TMEM229B: variants seen among roughly 807,000 people sequenced by gnomAD.
The protein encoded by TMEM229B is transmembrane protein 229B.
In TMEM229B, 6 loss-of-function variants were observed where a neutral mutation model predicts 13.7. The ratio of observed to expected loss-of-function variants is 0.44; its 90% confidence interval spans 0.24 to 0.86. The LOEUF is 0.86. TMEM229B is among the 40% of genes least tolerant of loss of function. The pLI, the probability that TMEM229B is intolerant of heterozygous loss-of-function variation, is 0.23. For synonymous variants in TMEM229B, 107 were observed against 102.1 expected, an observed-to-expected ratio of 1.05 and a Z score of -0.29; for missense variants, 170 against 236.0, an observed-to-expected ratio of 0.72 and a Z score of 1.83.
chr14:67,531,930 A>G (rs974536262), intron 1 of TMEM229B, among the ~76,000 whole-genome samples: 9 of 149,418 alleles, frequency 6.0e-5, no homozygotes, highest in Admixed American at 6.7e-5. Flanking sequence ...AAAAAAAAAA[A>G]AGTGAATGAA....
intron 1 of TMEM229B, among the ~76,000 whole-genome samples, chr14:67,487,522 G>A (rs552006670): frequency 6.6e-6 from 1 of 152,322 alleles, no homozygotes; most frequent in South Asian, 2.1e-4. Context: ...TCACCCTGTA[G>A]TGGGTACATC....
intron 1 of TMEM229B, among the ~76,000 whole-genome samples, chr14:67,532,135 T>C (rs2033479554): frequency 1.3e-5 from 2 of 152,148 alleles, no homozygotes; most frequent in African/African-American, 4.8e-5. Context: ...TTCTCACGTT[T>C]GGCCTCCTGC....
intron 1 of TMEM229B, among the ~76,000 whole-genome samples, chr14:67,496,392 T>C (rs915882760): frequency 6.0e-5 from 2 of 33,098 alleles, no homozygotes; most frequent in African/African-American, 3.3e-4. Flanking sequence ...TGCTCCGGCG[T>C]TTTTTTTTTT....
chr14:67,487,720 G>C (rs934358902), intron 1 of TMEM229B, among the ~76,000 whole-genome samples: 6 of 151,900 alleles, frequency 3.9e-5, no homozygotes, highest in Non-Finnish European at 8.8e-5. Context: ...TATGGTTGAG[G>C]CCCTTCCTAT....
Position 67,473,178 on chromosome 14 carries a change from T to G in TMEM229B, c.*242A>C. 1.8e-6 allele frequency: 1 copy of G among 545,434 alleles called. No homozygotes were observed. Among genetic ancestry groups the G allele is most frequent in the South Asian group, 2.1e-5 (1 of 47,596 alleles). The allele number at this position is 545,434 out of a possible 1,614,324, so 33.8% of individuals were successfully genotyped here. ...GGCCTCCTGGTACCAACCCCTGAAC[T>G]GGGCCGCGATCCATGGACCCTTCCC... is the stretch of plus-strand genomic sequence containing the variant. On this transcript the variant is annotated 3_prime_UTR_variant, in exon 3 of 3. Coordinates refer to ENST00000554480, the MANE Select transcript of TMEM229B (RefSeq NM_001348543.2). This position sits in a 1 kb window ranked among gnomAD's most constrained non-coding sequence, Gnocchi z 6.5.
At chr14:67,487,948 T>C (rs182220261) in intron 1 of TMEM229B, among the ~76,000 whole-genome samples, 3 of 152,346 alleles carry the variant, frequency 2.0e-5, no homozygotes, top group Admixed American at 2.0e-4. Context: ...ATGTTTTTAC[T>C]ACTATCCCTA....
chr14:67,531,147 T>A (rs547388057), intron 1 of TMEM229B, among the ~76,000 whole-genome samples: 176 of 152,224 alleles, frequency 1.2e-3, no homozygotes, highest in Non-Finnish European at 2.2e-3. Context: ...CTAGGGGTGA[T>A]GGTGGGTATT....
chr14:67,497,551 C>A (rs560801346), intron 1 of TMEM229B, among the ~76,000 whole-genome samples: 1 of 152,118 alleles, frequency 6.6e-6, no homozygotes, highest in African/African-American at 2.4e-5. Flanking sequence ...GACTTTGGAA[C>A]GTTCTACTGG....
rs182671800 is a variant in TMEM229B at position 67,508,711 on chromosome 14, G to A, written c.-192+6375C>T. On this transcript the variant is annotated intron_variant, in intron 1 of 2. Coordinates refer to the TMEM229B transcript ENST00000357461. ...AGAGGCTTCATTGAGCTGGGATTGT[G>A]CCACTGCACTCCAGCCTGGGTGACA... Among the ~76,000 whole-genome samples the A allele has an allele frequency of 5.5e-4, 77 of 140,316 alleles. 1 individual carries two copies. In the East Asian group the frequency reaches 0.012, roughly 23 times the overall value. 92.1% of individuals were successfully genotyped at this position (140,316 alleles called of 152,430 possible).
chr14:67,526,074 C>T (rs1035296030), intron 1 of TMEM229B, among the ~76,000 whole-genome samples: 6 of 152,212 alleles, frequency 3.9e-5, no homozygotes, highest in Non-Finnish European at 8.8e-5. Flanking sequence ...TACCTGATTC[C>T]TTTGTGTGGG....
At position 67,473,766 on chromosome 14, in the gene TMEM229B, T is replaced by C; in HGVS notation, c.158A>G (p.Tyr53Cys). 6.2e-7 allele frequency: 1 copy of C among 1,613,778 alleles called. No homozygotes were observed. The highest frequency in any genetic ancestry group is 8.5e-7 in the Non-Finnish European group (1 of 1,179,904). The stretch of plus-strand genomic sequence containing the variant: ...CTCCACGATGAGGATGGAGGTGCCG[T>C]AGATGAAGAGGGCCCACACGCTCGT... Reference protein sequence around the residue: ...GVTSVWALFIYGTSILIVERM... With the variant: ...GVTSVWALFICGTSILIVERM... The change falls in exon 3 of 3, where the codon TAC becomes TGC. Residue 53 changes from tyrosine (Y) to cysteine (C), a missense_variant. Around this residue, in one of 4 missense-constraint regions of TMEM229B, gnomAD observed 36 missense variants for 83.8 expected, o/e 0.43. Coordinates refer to ENST00000554480, the MANE Select transcript of TMEM229B (RefSeq NM_001348543.2). This position sits in a 1 kb window ranked among gnomAD's most constrained non-coding sequence, Gnocchi z 6.5.
intron 2 of TMEM229B, among the ~76,000 whole-genome samples, chr14:67,477,543 C>T (rs2140062481): frequency 6.6e-6 from 1 of 152,272 alleles, no homozygotes; most frequent in South Asian, 2.1e-4. Context: ...CCGGCCAGAC[C>T]TCTTTCCTGT....
chr14:67,473,525 C>G lies in TMEM229B; in HGVS notation c.399G>C (p.Gln133His), dbSNP rs756334773. ...PWFCGALIME[Q>H]FIIRNTLRLR... Reference sequence around the variant, plus strand: ...GGCGGAGGGTGTTGCGGATGATGAACTGCTCCATGATGAGGGCCCCGCAGA... The same window carrying G: ...GGCGGAGGGTGTTGCGGATGATGAAGTGCTCCATGATGAGGGCCCCGCAGA... Residue 133 changes from glutamine to histidine, a missense_variant, in exon 3 of 3, where the codon CAG becomes CAC. By Grantham distance (24) the Gln-to-His change is conservative (BLOSUM62 0). Around this residue, in one of 4 missense-constraint regions of TMEM229B, gnomAD observed 70 missense variants for 60.9 expected, o/e 1.15. Coordinates refer to ENST00000554480, the MANE Select transcript of TMEM229B (RefSeq NM_001348543.2). This position sits in a 1 kb window ranked among gnomAD's most constrained non-coding sequence, Gnocchi z 6.5. 2 of 1,614,146 alleles carry G rather than the reference C, an allele frequency of 1.2e-6. No individual in the cohort carries two copies. Among genetic ancestry groups the G allele is most frequent in the Admixed American group, 1.7e-5 (1 of 60,022 alleles).
chr14:67,490,270 T>C (rs2032113416), upstream of TMEM229B, among the ~76,000 whole-genome samples: 1 of 152,150 alleles, frequency 6.6e-6, no homozygotes, highest in South Asian at 2.1e-4. Flanking sequence ...AGGAGTGTGC[T>C]CACTCTCCTT....
chr14:67,515,853 G>C (rs1465107372), upstream of TMEM229B, among the ~76,000 whole-genome samples: 1 of 152,246 alleles, frequency 6.6e-6, no homozygotes, highest in African/African-American at 2.4e-5. Flanking sequence ...TCAGTTCATG[G>C]AAACAGCCAT....
chr14:67,478,022 T>C (rs2031332722), intron 2 of TMEM229B, among the ~76,000 whole-genome samples: 1 of 152,208 alleles, frequency 6.6e-6, no homozygotes, highest in Admixed American at 6.5e-5. Flanking sequence ...AAGAGAAGAA[T>C]AAAGACATTT....
At chr14:67,500,953 TCATCTTCCAGATGAAAGTAGAAGAA>T (rs1173423537) in intron 1 of TMEM229B, among the ~76,000 whole-genome samples, 2 of 151,740 alleles carry the variant, frequency 1.3e-5, no homozygotes, top group Non-Finnish European at 2.9e-5. Flanking sequence ...AGTAGCTGCA[TCATCTTCCAGATGAAAGTAGAAGAA>T]CAAGGTTCAT....
At position 67,471,644 on chromosome 14, in the gene TMEM229B, A is replaced by T. The variant is rs1031182180; in HGVS notation, c.*1776T>A. 4 of 152,180 alleles carry T rather than the reference A, an allele frequency of 2.6e-5. No homozygotes were observed. The highest frequency in any genetic ancestry group is 9.7e-5 in the African/African-American group (4 of 41,436). The allele number at this position is 152,180 out of a possible 1,614,324, so 9.4% of individuals were successfully genotyped here. ...AGCCTGCCCAGGAAATAGGCTAGGA[A>T]ATACCCTTCGTTCTGCTCTGGACGG... On this transcript the variant is annotated 3_prime_UTR_variant, in exon 3 of 3. Transcript: ENST00000554480.
chr14:67,480,119 C>T (rs758973073), intron 2 of TMEM229B, among the ~76,000 whole-genome samples: 22 of 152,320 alleles, frequency 1.4e-4, no homozygotes, highest in Non-Finnish European at 2.4e-4. Context: ...TAAAATACAG[C>T]TAAGGCTCCA....
Sources: gnomAD v4.1 joint callset for allele counts (sites outside exome capture counted in the v4.1 genomes callset) on GRCh38, gnomAD v4.1.1 for gene constraint, gnomAD v4.1.1 regional missense constraint, Gnocchi (gnomAD v3.1) non-coding constraint, MANE v1.5 for transcripts, NCBI Gene and HGNC (gene_info 2026-07-23, HGNC 2026-07-21) for gene names.